DAB1: variants seen among roughly 807,000 people sequenced by gnomAD.
DAB1 encodes the protein disabled homolog 1.
DAB1 carries 15 observed loss-of-function variants against 64.6 expected under a neutral mutation model. The ratio of observed to expected loss-of-function variants is 0.23; its 90% CI spans 0.16 to 0.36. The LOEUF (loss-of-function observed/expected upper bound fraction) is 0.36. Ranked by LOEUF, DAB1 falls within the 10% of genes least tolerant of loss-of-function variation. The probability of loss-of-function intolerance (pLI) is 1.00; values close to 1 mark genes in which losing one functional copy is unlikely to be tolerated. For synonymous variants in DAB1, 235 were observed against 251.9 expected, an observed-to-expected ratio of 0.93 and a Z score of 0.64; for missense variants, 596 against 706.7, an observed-to-expected ratio of 0.84 and a Z score of 1.78.
intron 3 of DAB1, among the ~76,000 whole-genome samples, chr1:57,143,343 T>C (rs1219925911): frequency 6.6e-6 from 1 of 152,212 alleles, no homozygotes; most frequent in Non-Finnish European, 1.5e-5. Flanking sequence ...TTTGGAATTC[T>C]TCCTGTCCAA....
intron 6 of DAB1, among the ~76,000 whole-genome samples, chr1:57,736,519 C>T (rs1647699447): frequency 6.6e-6 from 1 of 152,272 alleles, no homozygotes; most frequent in African/African-American, 2.4e-5. Flanking sequence ...CACCAAAATA[C>T]ATTTGAATTT....
chr1:57,110,453 T>A (rs1255954154), intron 4 of DAB1, among the ~76,000 whole-genome samples: 1 of 152,200 alleles, frequency 6.6e-6, no homozygotes, highest in African/African-American at 2.4e-5. Context: ...TTCCTTTTGT[T>A]TACATTAAGA....
chr1:58,440,761 T>C (rs145177131), intron 3 of DAB1, among the ~76,000 whole-genome samples: 6 of 152,338 alleles, frequency 3.9e-5, no homozygotes, highest in African/African-American at 1.4e-4. Flanking sequence ...ATTATTATCA[T>C]AGTTTTATAG....
chr1:57,807,400 C>T (rs1004534157), intron 6 of DAB1, among the ~76,000 whole-genome samples: 5 of 152,116 alleles, frequency 3.3e-5, no homozygotes, highest in African/African-American at 1.2e-4. Context: ...GCAGCCTAGG[C>T]CAGTATCACT....
intron 4 of DAB1, among the ~76,000 whole-genome samples, chr1:58,333,706 T>G (rs777113247): frequency 6.6e-6 from 1 of 152,228 alleles, no homozygotes; most frequent in Non-Finnish European, 1.5e-5. Context: ...GGTTTTCACA[T>G]AAATCTGTTA....
chr1:58,514,793 A>G (rs1292250338), intron 2 of DAB1, among the ~76,000 whole-genome samples: 2 of 152,186 alleles, frequency 1.3e-5, no homozygotes, highest in Non-Finnish European at 2.9e-5. Context: ...CAGAAAACCA[A>G]AATTGTTTCC....
At chr1:57,700,047 C>T (rs9436147) in intron 6 of DAB1, among the ~76,000 whole-genome samples, 67,711 of 152,000 alleles carry the variant, frequency 0.45, 17,252 homozygotes, top group African/African-American at 0.71. Context: ...TTCTAACTTG[C>T]TGACAGCATC....
chr1:57,891,900 G>T (rs943663655), intron 5 of DAB1, among the ~76,000 whole-genome samples: 5 of 152,130 alleles, frequency 3.3e-5, no homozygotes, highest in African/African-American at 1.2e-4. Flanking sequence ...TGTAGACGAC[G>T]GGTTGATGGG....
At chr1:58,005,595 C>G (rs189587754) in intron 5 of DAB1, among the ~76,000 whole-genome samples, 1 of 130,924 alleles carries the variant, frequency 7.6e-6, no homozygotes, top group Non-Finnish European at 1.6e-5. Context: ...GGGCTCTGTG[C>G]GCCTGCCTTG....
intron 4 of DAB1, among the ~76,000 whole-genome samples, chr1:58,241,707 A>T (rs1025016924): frequency 2.0e-5 from 3 of 152,110 alleles, no homozygotes; most frequent in African/African-American, 7.2e-5. Context: ...TCTTTTCACG[A>T]CAAATGTGAA....
At chr1:58,498,747 T>C (rs1353324288) in intron 3 of DAB1, among the ~76,000 whole-genome samples, 1 of 152,182 alleles carries the variant, frequency 6.6e-6, no homozygotes, top group African/African-American at 2.4e-5. Flanking sequence ...TTAAATAAAA[T>C]CTCAGAGATG....
chr1:57,682,833 C>T (rs998963318), intron 6 of DAB1, among the ~76,000 whole-genome samples: 2 of 152,146 alleles, frequency 1.3e-5, no homozygotes, highest in Non-Finnish European at 2.9e-5. Flanking sequence ...CAGTTGACTG[C>T]CAGACAGGAG....
intron 2 of DAB1, among the ~76,000 whole-genome samples, chr1:58,514,259 T>C (rs1342186728): frequency 6.6e-6 from 1 of 152,176 alleles, no homozygotes; most frequent in African/African-American, 2.4e-5. Flanking sequence ...TACTATTAAA[T>C]TATAAATTCA....
intron 1 of DAB1, among the ~76,000 whole-genome samples, chr1:57,377,281 A>AAAGAAAAG (rs61668671): frequency 3.4e-5 from 5 of 146,556 alleles, no homozygotes; most frequent in South Asian, 4.3e-4. Flanking sequence ...AAAAAAAAAA[A>AAAGAAAAG]AAAAGAAAAG....
chr1:57,138,751 T>G (rs929929768), intron 3 of DAB1, among the ~76,000 whole-genome samples: 6 of 152,192 alleles, frequency 3.9e-5, no homozygotes, highest in Non-Finnish European at 8.8e-5. Flanking sequence ...TCTCTGACCC[T>G]CTTAGCCAAC....
chr1:58,247,575 T>C (rs951711829), intron 4 of DAB1, among the ~76,000 whole-genome samples: 1 of 152,216 alleles, frequency 6.6e-6, no homozygotes, highest in East Asian at 1.9e-4. Flanking sequence ...TCACAAATAA[T>C]TGTCTTATCA....
chr1:58,397,642 T>C (rs1344447001), intron 3 of DAB1, among the ~76,000 whole-genome samples: 1 of 152,192 alleles, frequency 6.6e-6, no homozygotes, highest in African/African-American at 2.4e-5. Flanking sequence ...ACAGCTTGAC[T>C]CATAGCATTC....
At chr1:57,289,817 C>A (rs1054407422) in intron 2 of DAB1, among the ~76,000 whole-genome samples, 1 of 152,092 alleles carries the variant, frequency 6.6e-6, no homozygotes, top group African/African-American at 2.4e-5. Flanking sequence ...GCTGAGAAAA[C>A]AAGGGAGAGA....
chr1:57,436,703 T>C (rs1685708310), intron 7 of DAB1, among the ~76,000 whole-genome samples: 1 of 152,078 alleles, frequency 6.6e-6, no homozygotes, highest in Non-Finnish European at 1.5e-5. Context: ...CATTGTCCAT[T>C]GATGAAGTGG....
Sources: gnomAD v4.1 joint callset for allele counts (sites outside exome capture counted in the v4.1 genomes callset) on GRCh38, gnomAD v4.1.1 for gene constraint, MANE v1.5 for transcripts, NCBI Gene and HGNC (gene_info 2026-07-23, HGNC 2026-07-21) for gene names.